PPARGC1A: variants seen among roughly 807,000 people sequenced by gnomAD.
PPARGC1A encodes the protein PPARG coactivator 1 alpha.
PPARGC1A carries 25 observed loss-of-function variants against 88.7 expected under a neutral mutation model. The ratio of observed to expected loss-of-function variants is 0.28; its 90% CI spans 0.21 to 0.39. The LOEUF is 0.39. Ranked by LOEUF, PPARGC1A falls within the 10% of genes least tolerant of loss-of-function variation. The pLI is 1.00. For synonymous variants in PPARGC1A, 363 were observed against 355.6 expected (o/e 1.02, Z -0.24); for missense variants, 880 against 968.7 (o/e 0.91, Z 1.22).
chr4:24,124,853 T>C, the PPARGC1A span, among the ~76,000 whole-genome samples: 1 of 152,176 alleles, frequency 6.6e-6, no homozygotes, highest in African/African-American at 2.4e-5. Context: ...TTGTTTTGTA[T>C]TCAGACATAA....
At chr4:24,295,609 C>T in the PPARGC1A span, among the ~76,000 whole-genome samples, 2 of 151,042 alleles carry the variant, frequency 1.3e-5, no homozygotes. Context: ...AATGAAATTG[C>T]CAGGTTTAAG....
At chr4:24,360,709 T>C in the PPARGC1A span, among the ~76,000 whole-genome samples, 213 of 152,300 alleles carry the variant, frequency 1.4e-3, no homozygotes, top group African/African-American at 4.9e-3. Context: ...TGATTCTGCC[T>C]GAGAGCTCAG....
chr4:24,211,015 T>TA, the PPARGC1A span, among the ~76,000 whole-genome samples: 2 of 152,230 alleles, frequency 1.3e-5, no homozygotes, highest in African/African-American at 4.8e-5. Context: ...TAATGAATAT[T>TA]ATCTCCTTGA....
intron 1 of PPARGC1A, among the ~76,000 whole-genome samples, chr4:23,886,937 T>C (rs932009987): frequency 1.3e-5 from 2 of 151,744 alleles, no homozygotes; most frequent in African/African-American, 4.8e-5. Flanking sequence ...GCTGTCTACA[T>C]ATGGCTTAAG....
chr4:23,834,074 C>A (rs574131386), intron 2 of PPARGC1A, among the ~76,000 whole-genome samples: 1 of 151,996 alleles, frequency 6.6e-6, no homozygotes, highest in South Asian at 2.1e-4. Flanking sequence ...TTGAGGCAGG[C>A]GGATCACTTG....
the PPARGC1A span, among the ~76,000 whole-genome samples, chr4:24,044,631 T>C: frequency 3.3e-5 from 5 of 152,174 alleles, no homozygotes; most frequent in African/African-American, 1.2e-4. Flanking sequence ...TCTGCGATAT[T>C]TCAGACATCA....
chr4:24,265,985 G>A, the PPARGC1A span, among the ~76,000 whole-genome samples: 1 of 152,094 alleles, frequency 6.6e-6, no homozygotes, highest in Non-Finnish European at 1.5e-5. Flanking sequence ...GTTTGGGGGA[G>A]AGGAGGCTAC....
At chr4:23,912,110 A>G in the PPARGC1A span, among the ~76,000 whole-genome samples, 1 of 152,202 alleles carries the variant, frequency 6.6e-6, no homozygotes, top group Admixed American at 6.5e-5. Flanking sequence ...AAAAGGAGAG[A>G]CAGAGAATTC....
chr4:24,457,030 G>C, the PPARGC1A span, among the ~76,000 whole-genome samples: 1 of 152,200 alleles, frequency 6.6e-6, no homozygotes, highest in African/African-American at 2.4e-5. Flanking sequence ...ACCAGAGGAA[G>C]TAACAGGGAT....
At chr4:24,172,717 A>C in the PPARGC1A span, among the ~76,000 whole-genome samples, 6 of 152,214 alleles carry the variant, frequency 3.9e-5, no homozygotes, top group Admixed American at 3.3e-4. Context: ...CTTTTCTCTC[A>C]GGCAGACAGT....
chr4:24,042,436 A>G, the PPARGC1A span, among the ~76,000 whole-genome samples: 6 of 152,232 alleles, frequency 3.9e-5, no homozygotes, highest in South Asian at 6.2e-4. Flanking sequence ...CCAACACTCC[A>G]GTGAGCTTGA....
the PPARGC1A span, among the ~76,000 whole-genome samples, chr4:24,410,313 A>G: frequency 6.6e-6 from 1 of 151,700 alleles, no homozygotes; most frequent in Non-Finnish European, 1.5e-5. Flanking sequence ...ATGTGTATGG[A>G]TACACATACA....
chr4:24,440,435 C>T, the PPARGC1A span, among the ~76,000 whole-genome samples: 2 of 152,198 alleles, frequency 1.3e-5, no homozygotes, highest in African/African-American at 4.8e-5. Context: ...CAGAACATGG[C>T]ACATGGCAGG....
the PPARGC1A span, among the ~76,000 whole-genome samples, chr4:24,123,506 T>C: frequency 6.6e-6 from 1 of 152,044 alleles, no homozygotes; most frequent in Non-Finnish European, 1.5e-5. Context: ...AAAATAAGCA[T>C]AGAGACAAAG....
chr4:24,081,767 A>G, the PPARGC1A span, among the ~76,000 whole-genome samples: 1 of 151,350 alleles, frequency 6.6e-6, no homozygotes, highest in Non-Finnish European at 1.5e-5. Context: ...TACAAGCGTT[A>G]AGAATACTTA....
chr4:24,139,235 G>A, the PPARGC1A span, among the ~76,000 whole-genome samples: 66 of 151,754 alleles, frequency 4.3e-4, no homozygotes, highest in East Asian at 8.0e-3. Flanking sequence ...CTGGGTTCAC[G>A]CCATTCTTCT....
the PPARGC1A span, among the ~76,000 whole-genome samples, chr4:24,227,931 T>C: frequency 6.6e-6 from 1 of 152,196 alleles, no homozygotes; most frequent in African/African-American, 2.4e-5. Flanking sequence ...TTGGTTTCCA[T>C]GGGGGAAAGA....
At chr4:24,091,365 G>C in the PPARGC1A span, 1 of 874,970 alleles carries the variant, frequency 1.1e-6, no homozygotes, top group South Asian at 5.2e-5. Context: ...CGTGCTTGCA[G>C]ATAGCACAGT....
At chr4:24,353,982 T>G in the PPARGC1A span, among the ~76,000 whole-genome samples, 28 of 152,194 alleles carry the variant, frequency 1.8e-4, no homozygotes, top group Non-Finnish European at 3.1e-4. Context: ...CAATACAAAT[T>G]TATTTTCTTA....
Sources: allele counts gnomAD v4.1 joint callset (sites outside exome capture counted in the v4.1 genomes callset), GRCh38; gene constraint gnomAD v4.1.1; transcripts MANE v1.5; gene names NCBI Gene and HGNC (gene_info 2026-07-23, HGNC 2026-07-21).